The following DTD1 variants were observed in gnomAD, a reference collection of about 807,000 sequenced individuals.
DTD1 encodes the protein D-aminoacyl-tRNA deacylase 1, also known as D-tyrosyl-tRNA deacylase 1 homolog.
A neutral mutation model predicts 25.6 loss-of-function variants in DTD1; 13 were observed. The ratio of observed to expected loss-of-function variants is 0.51; its 90% CI spans 0.33 to 0.81. The LOEUF is 0.81. Among genes scored for constraint, DTD1 ranks in the 30% least tolerant of loss-of-function variants. The pLI is 0.02. For synonymous variants in DTD1, 110 were observed against 103.6 expected (o/e 1.06, Z -0.37); for missense variants, 193 against 266.4 (o/e 0.72, Z 1.92).
intron 4 of DTD1, among the ~76,000 whole-genome samples, chr20:18,671,908 A>T (rs1260433878): frequency 6.6e-6 from 1 of 152,172 alleles, no homozygotes; most frequent in Non-Finnish European, 1.5e-5. Context: ...AGCAACCCAG[A>T]TGTCAAACCA....
chr20:18,648,995 C>CAAAAAAAAAAAAAAAA (rs57780175), intron 4 of DTD1, among the ~76,000 whole-genome samples: 1 of 56,270 alleles, frequency 1.8e-5, no homozygotes, highest in Non-Finnish European at 2.9e-5. Flanking sequence ...GACTCCATCT[C>CAAAAAAAAAAAAAAAA]AAAAAAAAAA....
chr20:18,713,054 G>T (rs1245487016), intron 4 of DTD1, among the ~76,000 whole-genome samples: 1 of 152,262 alleles, frequency 6.6e-6, no homozygotes, highest in Non-Finnish European at 1.5e-5. Flanking sequence ...GCCTTGGCCA[G>T]AAGGGGCTGC....
chr20:18,720,849 C>T (rs1178710614), intron 4 of DTD1, among the ~76,000 whole-genome samples: 1 of 152,098 alleles, frequency 6.6e-6, no homozygotes, highest in Non-Finnish European at 1.5e-5. Flanking sequence ...CAGAGTGAAA[C>T]CCTGTCTCAA....
chr20:18,615,390 AG>A (rs1170661123), intron 3 of DTD1, among the ~76,000 whole-genome samples: 1 of 152,162 alleles, frequency 6.6e-6, no homozygotes, highest in African/African-American at 2.4e-5. Flanking sequence ...CTAAACGTTG[AG>A]GGTGCATTAT....
At chr20:18,625,965 G>A (rs900502080) in intron 3 of DTD1, among the ~76,000 whole-genome samples, 5 of 152,238 alleles carry the variant, frequency 3.3e-5, no homozygotes, top group Non-Finnish European at 2.9e-5. Context: ...GGAGAGCAGC[G>A]AATGTGGGCT....
At chr20:18,737,775 C>T (rs2061262019) in intron 4 of DTD1, among the ~76,000 whole-genome samples, 1 of 152,238 alleles carries the variant, frequency 6.6e-6, no homozygotes, top group African/African-American at 2.4e-5. Context: ...CTTCTTCAGC[C>T]TTCGGGACAG....
At chr20:18,637,997 C>T (rs1245984851) in intron 4 of DTD1, among the ~76,000 whole-genome samples, 1 of 152,228 alleles carries the variant, frequency 6.6e-6, no homozygotes, top group Non-Finnish European at 1.5e-5. Context: ...ATGATGCTTA[C>T]CTCAGTGCCC....
rs970838473 is a variant in DTD1 at position 18,595,668 on chromosome 20, A to C, written c.135-338A>C. ...TTCATGAAAAATTACAATTGGACCC[A>C]TGTTTTGACATATCCCCGACCTAAA... On this transcript the variant is annotated intron_variant, in intron 2 of 5. Transcript: ENST00000377452. Among the ~76,000 whole-genome samples the C allele has an allele frequency of 3.3e-5, 5 of 152,304 alleles. No individual in the cohort carries two copies. In the South Asian group the frequency reaches 6.2e-4, roughly 19 times the overall value.
At chr20:18,698,195 G>A (rs2061087302) in intron 4 of DTD1, among the ~76,000 whole-genome samples, 1 of 152,192 alleles carries the variant, frequency 6.6e-6, no homozygotes, top group Admixed American at 6.5e-5. Context: ...TAATTACATA[G>A]TTCAGTTCTG....
chr20:18,741,558 A>G (rs1327887637), intron 4 of DTD1, among the ~76,000 whole-genome samples: 1 of 152,016 alleles, frequency 6.6e-6, no homozygotes, highest in African/African-American at 2.4e-5. Context: ...CATGTTAACT[A>G]GTGTATTGAA....
At position 18,655,260 on chromosome 20, in the gene DTD1, C is replaced by T. The variant is rs371588130; in HGVS notation, c.477+27027C>T. Among the ~76,000 whole-genome samples the T allele has an allele frequency of 5.9e-5, 9 of 152,218 alleles. No homozygotes were observed. In the South Asian group the frequency reaches 1.5e-3, roughly 25 times the overall value. On this transcript the variant is annotated intron_variant, in intron 4 of 5. Coordinates refer to ENST00000377452, the MANE Select transcript of DTD1 (RefSeq NM_080820.6). ...CAATTAATCCAGATACAGATAGCTT[C>T]GATTACTACTGAATTTATGTGAATG...
At chr20:18,761,308 C>T (rs776706610) in intron 5 of DTD1, among the ~76,000 whole-genome samples, 5 of 152,214 alleles carry the variant, frequency 3.3e-5, no homozygotes, top group East Asian at 1.9e-4. Flanking sequence ...TCGTCTTCTG[C>T]GTGGCTCACA....
intron 4 of DTD1, among the ~76,000 whole-genome samples, chr20:18,736,759 C>G (rs1774120501): frequency 6.6e-6 from 1 of 152,086 alleles, no homozygotes; most frequent in Non-Finnish European, 1.5e-5. Flanking sequence ...ATTGCCAACA[C>G]CTATGCCCTC....
At chr20:18,708,243 T>A (rs1219236232) in intron 4 of DTD1, among the ~76,000 whole-genome samples, 1 of 20,310 alleles carries the variant, frequency 4.9e-5, no homozygotes, top group African/African-American at 2.8e-4. Flanking sequence ...TATATATATA[T>A]AATATATATT....
At chr20:18,760,948 C>A (rs553652945) in intron 5 of DTD1, among the ~76,000 whole-genome samples, 64 of 152,316 alleles carry the variant, frequency 4.2e-4, no homozygotes, top group Admixed American at 6.5e-4. Flanking sequence ...GCGCCCCTCC[C>A]CCAGCCTTGC....
intron 4 of DTD1, among the ~76,000 whole-genome samples, chr20:18,687,921 G>C (rs181930630): frequency 6.6e-6 from 1 of 152,318 alleles, no homozygotes; most frequent in Admixed American, 6.5e-5. Flanking sequence ...TTTGCAGAAG[G>C]CTGTTTGGAC....
At position 18,708,276 on chromosome 20, in the gene DTD1, TA is replaced by T. The variant is rs1443397580; in HGVS notation, c.478-35822del. Among the ~76,000 whole-genome samples the T allele has an allele frequency of 9.9e-4, 13 of 13,072 alleles. 2 individuals are homozygous for T. Among genetic ancestry groups the T allele is most frequent in the Non-Finnish European group, 2.1e-3 (11 of 5,168 alleles). 8.6% of individuals were successfully genotyped at this position (13,072 alleles called of 152,430 possible). On this transcript the variant is annotated intron_variant, in intron 4 of 5. Coordinates refer to ENST00000377452, the MANE Select transcript of DTD1 (RefSeq NM_080820.6). ...ATTATATATATATTTTATATATATA[TA>T]ATATATATTATATATATATAATATA...
chr20:18,747,397 C>T lies in DTD1; in HGVS notation c.*19+3126C>T, dbSNP rs115845325. Among the ~76,000 whole-genome samples the T allele has an allele frequency of 3.8e-3, 577 of 152,290 alleles. 3 individuals carry two copies. The highest frequency in any genetic ancestry group is 0.013 in the African/African-American group (558 of 41,556). On this transcript the variant is annotated intron_variant, in intron 5 of 5. Coordinates refer to ENST00000377452, the MANE Select transcript of DTD1 (RefSeq NM_080820.6). ...CCCAGCAGCCTGGGCAGGGCGGGGG[C>T]AGGCATGTTCCCTCCCCGCCATGTT...
chr20:18,754,482 A>G (rs2061331701), intron 5 of DTD1, among the ~76,000 whole-genome samples: 2 of 152,196 alleles, frequency 1.3e-5, no homozygotes, highest in South Asian at 2.1e-4. Flanking sequence ...GGAAATAGAC[A>G]TCATCCCTTC....
Sources: gnomAD v4.1 joint callset for allele counts (sites outside exome capture counted in the v4.1 genomes callset) on GRCh38, gnomAD v4.1.1 for gene constraint, MANE v1.5 for transcripts, NCBI Gene and HGNC (gene_info 2026-07-23, HGNC 2026-07-21) for gene names.